Variants in ZNF385B observed in about 807,000 individuals in gnomAD.
ZNF385B encodes the protein zinc finger protein 385B, also known as zinc finger protein 533.
Under a neutral mutation model 39.2 loss-of-function variants are expected in ZNF385B, and 23 were observed. The ratio of observed to expected loss-of-function variants is 0.59; its 90% CI spans 0.42 to 0.83. The LOEUF is 0.83. Ranked by LOEUF, ZNF385B falls within the 40% of genes least tolerant of loss-of-function variation. The pLI, the probability that ZNF385B is intolerant of heterozygous loss-of-function variation, is 0.00. For synonymous variants in ZNF385B, 205 were observed against 222.6 expected (o/e 0.92, Z 0.70); for missense variants, 552 against 598.9 (o/e 0.92, Z 0.82).
At chr2:179,669,171 A>C (rs906331880) in intron 3 of ZNF385B, among the ~76,000 whole-genome samples, 3 of 152,186 alleles carry the variant, frequency 2.0e-5, no homozygotes, top group Non-Finnish European at 2.9e-5. Flanking sequence ...ACACATGAGG[A>C]AACTGAAGCC....
chr2:179,444,384 A>G (rs2049258270), intron 9 of ZNF385B, among the ~76,000 whole-genome samples: 1 of 152,206 alleles, frequency 6.6e-6, no homozygotes. Context: ...ACATATTGAG[A>G]GCAGATAAAA....
At chr2:179,687,666 T>G (rs1174272665) in intron 3 of ZNF385B, among the ~76,000 whole-genome samples, 5 of 152,148 alleles carry the variant, frequency 3.3e-5, no homozygotes, top group African/African-American at 7.2e-5. Context: ...TGGAGTCAGA[T>G]CTGGAGTAAG....
intron 3 of ZNF385B, among the ~76,000 whole-genome samples, chr2:179,616,991 A>T (rs983974548): frequency 1.3e-5 from 2 of 152,114 alleles, no homozygotes; most frequent in African/African-American, 4.8e-5. Context: ...ACATTTAGTG[A>T]CTACAGCCTT....
At chr2:179,740,229 G>A (rs1207657241) in intron 3 of ZNF385B, among the ~76,000 whole-genome samples, 1 of 152,060 alleles carries the variant, frequency 6.6e-6, no homozygotes, top group Non-Finnish European at 1.5e-5. Flanking sequence ...CACCACTAAT[G>A]GAAAATGAAT....
chr2:179,505,827 T>A (rs984220400), intron 5 of ZNF385B, among the ~76,000 whole-genome samples: 2 of 151,950 alleles, frequency 1.3e-5, no homozygotes, highest in African/African-American at 4.8e-5. Context: ...TTAAAAACAA[T>A]AAAAAAACGG....
At chr2:179,734,336 A>G (rs963257300) in intron 3 of ZNF385B, among the ~76,000 whole-genome samples, 7 of 152,216 alleles carry the variant, frequency 4.6e-5, no homozygotes, top group African/African-American at 9.6e-5. Flanking sequence ...TACACCTTTT[A>G]AGTTTTAATA....
chr2:179,538,174 G>A (rs972467151), intron 4 of ZNF385B, among the ~76,000 whole-genome samples: 1 of 152,032 alleles, frequency 6.6e-6, no homozygotes, highest in African/African-American at 2.4e-5. Context: ...AAGAAATATG[G>A]AATACATAAT....
At chr2:179,789,736 G>C (rs983252268) in intron 1 of ZNF385B, among the ~76,000 whole-genome samples, 1 of 152,128 alleles carries the variant, frequency 6.6e-6, no homozygotes, top group Non-Finnish European at 1.5e-5. Flanking sequence ...ACGCAGATGA[G>C]GAGCATAAAA....
At position 179,823,615 on chromosome 2, in the gene ZNF385B, T is replaced by C. The variant is rs1218536016; in HGVS notation, c.-155+37486A>G. 3.9e-5 allele frequency among the ~76,000 whole-genome samples: 6 copies of C among 152,308 alleles called. No individual in the cohort carries two copies. The East Asian group carries it at 1.2e-3, about 29-fold the overall frequency. ...TAATGTTTCACTCATTTTCAAATTATATTTTTAAATAATAAAATCCTGTAG... is the reference window on the plus strand; with the variant it reads ...TAATGTTTCACTCATTTTCAAATTACATTTTTAAATAATAAAATCCTGTAG... On this transcript the variant is annotated intron_variant, in intron 1 of 9. Transcript: ENST00000410066.
At chr2:179,754,866 T>TC (rs1702909219) in intron 3 of ZNF385B, among the ~76,000 whole-genome samples, 1 of 152,218 alleles carries the variant, frequency 6.6e-6, no homozygotes, top group Admixed American at 6.5e-5. Flanking sequence ...ATTTTGTTGA[T>TC]CTTTTCAAAA....
At chr2:179,771,168 AG>A (rs1312739817) in intron 1 of ZNF385B, among the ~76,000 whole-genome samples, 1 of 152,130 alleles carries the variant, frequency 6.6e-6, no homozygotes, top group East Asian at 1.9e-4. Flanking sequence ...GAACAAACTC[AG>A]GGGGAATGCA....
chr2:179,805,879 A>G (rs1388555686), intron 1 of ZNF385B, among the ~76,000 whole-genome samples: 1 of 152,242 alleles, frequency 6.6e-6, no homozygotes, highest in Non-Finnish European at 1.5e-5. Context: ...TAGTGCTTGG[A>G]CAATTAGCTC....
chr2:179,780,779 C>A (rs1280697133), intron 1 of ZNF385B, among the ~76,000 whole-genome samples: 1 of 152,180 alleles, frequency 6.6e-6, no homozygotes, highest in Non-Finnish European at 1.5e-5. Context: ...CCAAAACTGA[C>A]ATTTAGAAAT....
chr2:179,727,613 T>A (rs1267604120), intron 3 of ZNF385B, among the ~76,000 whole-genome samples: 2 of 152,064 alleles, frequency 1.3e-5, no homozygotes, highest in African/African-American at 4.8e-5. Flanking sequence ...TATATTTTTC[T>A]TGCTACAAAC....
chr2:179,444,379 T>C (rs2049257655), intron 9 of ZNF385B, among the ~76,000 whole-genome samples: 1 of 152,120 alleles, frequency 6.6e-6, no homozygotes, highest in Non-Finnish European at 1.5e-5. Flanking sequence ...ATAGCACATA[T>C]TGAGAGCAGA....
intron 3 of ZNF385B, among the ~76,000 whole-genome samples, chr2:179,658,044 T>C (rs1693996289): frequency 6.6e-6 from 1 of 152,174 alleles, no homozygotes; most frequent in Non-Finnish European, 1.5e-5. Flanking sequence ...GTCATGGATA[T>C]GATATGAAAA....
chr2:179,476,838 A>G (rs1281951267), intron 6 of ZNF385B, among the ~76,000 whole-genome samples: 1 of 152,178 alleles, frequency 6.6e-6, no homozygotes, highest in Non-Finnish European at 1.5e-5. Context: ...GGACTCATTT[A>G]TGTTCTACAT....
intron 1 of ZNF385B, among the ~76,000 whole-genome samples, chr2:179,827,543 T>C (rs1009823216): frequency 6.6e-6 from 1 of 152,144 alleles, no homozygotes; most frequent in South Asian, 2.1e-4. Context: ...TTGAAAAATA[T>C]AATTCTCAAA....
intron 3 of ZNF385B, among the ~76,000 whole-genome samples, chr2:179,633,703 G>A (rs1020332742): frequency 6.6e-6 from 1 of 152,114 alleles, no homozygotes; most frequent in Non-Finnish European, 1.5e-5. Context: ...TTCTGGCCAG[G>A]GCAATCAGGC....
Sources: gnomAD v4.1 joint callset for allele counts (sites outside exome capture counted in the v4.1 genomes callset) on GRCh38, gnomAD v4.1.1 for gene constraint, MANE v1.5 for transcripts, NCBI Gene and HGNC (gene_info 2026-07-23, HGNC 2026-07-21) for gene names.